KCNK2: variants seen among roughly 807,000 people sequenced by gnomAD.
KCNK2 encodes the protein potassium channel subfamily K member 2.
KCNK2 carries 21 observed loss-of-function variants against 40.5 expected under a neutral mutation model. That is an observed-to-expected ratio of 0.52 (90% CI 0.37 to 0.75). The LOEUF (loss-of-function observed/expected upper bound fraction) is 0.75, where lower values mean the gene tolerates loss of function less well. KCNK2 is among the 30% of genes least tolerant of loss of function. KCNK2 has a pLI of 0.00. For synonymous variants in KCNK2, 191 were observed against 202.2 expected, an observed-to-expected ratio of 0.94 and a Z score of 0.47; for missense variants, 399 against 531.6, an observed-to-expected ratio of 0.75 and a Z score of 2.45.
chr1:215,011,508 G>T (rs1656387080), intron 1 of KCNK2, among the ~76,000 whole-genome samples: 1 of 152,120 alleles, frequency 6.6e-6, no homozygotes, highest in Admixed American at 6.5e-5. Context: ...TGCCAGGCTG[G>T]TCTCAAACTC....
At position 215,235,318 on chromosome 1, in the gene KCNK2, T is replaced by C; in HGVS notation, c.*173T>C. Reference sequence around the variant, plus strand: ...AGAATTTGGAATTCTGAGCCAGCACTTTCTTTCTGATGATGCTTGTTGAAC... The same window carrying C: ...AGAATTTGGAATTCTGAGCCAGCACCTTCTTTCTGATGATGCTTGTTGAAC... On this transcript the variant is annotated 3_prime_UTR_variant, in exon 7 of 7. Transcript: ENST00000444842. The C allele has an allele frequency of 1.8e-6, 1 of 563,120 alleles. No homozygotes were observed. The allele number at this position is 563,120 out of a possible 1,614,324, so 34.9% of individuals were successfully genotyped here.
chr1:215,112,023 T>A (rs1660707034), intron 2 of KCNK2, among the ~76,000 whole-genome samples: 1 of 151,856 alleles, frequency 6.6e-6, no homozygotes, highest in Non-Finnish European at 1.5e-5. Context: ...TTTCAGGGGC[T>A]TGTAATCTCT....
intron 3 of KCNK2, among the ~76,000 whole-genome samples, chr1:215,167,483 T>C (rs1004373820): frequency 6.6e-6 from 1 of 152,128 alleles, no homozygotes; most frequent in African/African-American, 2.4e-5. Flanking sequence ...AGTATATTTT[T>C]TAACCCAAGC....
intron 3 of KCNK2, among the ~76,000 whole-genome samples, chr1:215,154,461 T>C (rs1662822320): frequency 6.6e-6 from 1 of 152,058 alleles, no homozygotes; most frequent in Non-Finnish European, 1.5e-5. Context: ...TTTAAGTTCA[T>C]TTTAGATTCT....
At chr1:215,056,410 C>A (rs1407505160) in intron 1 of KCNK2, among the ~76,000 whole-genome samples, 2 of 144,720 alleles carry the variant, frequency 1.4e-5, no homozygotes, top group Admixed American at 1.4e-4. Context: ...ATCAAGAGTA[C>A]CTTGTTGTAT....
At chr1:215,132,661 TA>T (rs142306157) in intron 3 of KCNK2, among the ~76,000 whole-genome samples, 4,565 of 152,296 alleles carry the variant, frequency 0.03, 93 homozygotes, top group South Asian at 0.059. Context: ...CCCATCTACT[TA>T]AATTAATGAA....
At chr1:215,126,266 T>C (rs569241925) in intron 3 of KCNK2, among the ~76,000 whole-genome samples, 38 of 152,264 alleles carry the variant, frequency 2.5e-4, no homozygotes, top group African/African-American at 8.4e-4. Context: ...GCAAAATACA[T>C]ACTTTAGCAT....
intron 1 of KCNK2, among the ~76,000 whole-genome samples, chr1:215,018,194 C>T (rs193301826): frequency 1.3e-5 from 2 of 152,088 alleles, no homozygotes; most frequent in Non-Finnish European, 2.9e-5. Context: ...AATAAATCTT[C>T]AGTATTAAAA....
intron 1 of KCNK2, among the ~76,000 whole-genome samples, chr1:215,058,818 C>G (rs1000739332): frequency 6.6e-6 from 1 of 152,066 alleles, no homozygotes; most frequent in African/African-American, 2.4e-5. Flanking sequence ...CCCTTTAGGG[C>G]CTTTTGAATG....
At chr1:215,030,829 T>A (rs865806290) in intron 1 of KCNK2, among the ~76,000 whole-genome samples, 61 of 151,984 alleles carry the variant, frequency 4.0e-4, no homozygotes, top group Middle Eastern at 3.4e-3. Flanking sequence ...ATTATAGGCA[T>A]GAGTGACTAC....
chr1:215,189,575 A>G (rs1664582468), intron 5 of KCNK2, among the ~76,000 whole-genome samples: 1 of 152,188 alleles, frequency 6.6e-6, no homozygotes, highest in Admixed American at 6.5e-5. Context: ...TTGAATGCTA[A>G]AATTTAAAAT....
chr1:215,191,062 A>T (rs1455860312), intron 5 of KCNK2, among the ~76,000 whole-genome samples: 4 of 151,520 alleles, frequency 2.6e-5, no homozygotes, highest in Admixed American at 6.6e-5. Flanking sequence ...AGGCATGCAG[A>T]TCACTTGAGG....
chr1:215,218,413 C>T (rs1666039899), intron 6 of KCNK2, among the ~76,000 whole-genome samples: 1 of 152,154 alleles, frequency 6.6e-6, no homozygotes, highest in Admixed American at 6.6e-5. Context: ...ATCCTAGTAT[C>T]GCTACCCGAC....
intron 1 of KCNK2, among the ~76,000 whole-genome samples, chr1:215,031,883 A>G (rs1215609624): frequency 6.6e-6 from 1 of 152,122 alleles, no homozygotes; most frequent in Admixed American, 6.6e-5. Context: ...TTTCCAATAT[A>G]TGTTTACAGT....
chr1:215,059,876 A>G (rs1558072961), intron 1 of KCNK2, among the ~76,000 whole-genome samples: 1 of 152,176 alleles, frequency 6.6e-6, no homozygotes, highest in Non-Finnish European at 1.5e-5. Flanking sequence ...AAGCCTGGGG[A>G]ACACCCATGG....
intron 1 of KCNK2, among the ~76,000 whole-genome samples, chr1:215,024,555 G>C (rs1360644535): frequency 6.6e-6 from 1 of 151,978 alleles, no homozygotes; most frequent in Non-Finnish European, 1.5e-5. Flanking sequence ...GCAATATTTT[G>C]CCATAATTTT....
chr1:215,131,775 T>G (rs1349282922), intron 3 of KCNK2, among the ~76,000 whole-genome samples: 1 of 152,112 alleles, frequency 6.6e-6, no homozygotes, highest in African/African-American at 2.4e-5. Flanking sequence ...GCAACATTTC[T>G]CATATTTTCA....
intron 6 of KCNK2, among the ~76,000 whole-genome samples, chr1:215,220,443 C>T (rs532414472): frequency 1.3e-5 from 2 of 152,268 alleles, no homozygotes; most frequent in African/African-American, 4.8e-5. Flanking sequence ...GGGTTGACCT[C>T]GTCACCCATC....
At chr1:215,213,230 A>G (rs1322293283) in intron 6 of KCNK2, among the ~76,000 whole-genome samples, 1 of 152,160 alleles carries the variant, frequency 6.6e-6, no homozygotes, top group Non-Finnish European at 1.5e-5. Context: ...GGGCAGGGTA[A>G]TGGTTTTTTG....
Sources: allele counts gnomAD v4.1 joint callset (sites outside exome capture counted in the v4.1 genomes callset), GRCh38; gene constraint gnomAD v4.1.1; transcripts MANE v1.5; gene names NCBI Gene and HGNC (gene_info 2026-07-23, HGNC 2026-07-21).